Variants in WDR7 observed in about 807,000 individuals in gnomAD.
The protein encoded by WDR7 is WD repeat domain 7.
A neutral mutation model predicts 169.4 loss-of-function variants in WDR7; 46 were observed. The ratio of observed to expected loss-of-function variants is 0.27; its 90% CI spans 0.21 to 0.35. The LOEUF is 0.35. WDR7 is among the 10% of genes least tolerant of loss of function. WDR7 has a pLI of 1.00. For missense variants in WDR7, 1,534 were observed against 1,859.3 expected, an observed-to-expected ratio of 0.83 and a Z score of 3.22; for synonymous variants, 612 against 666.8, an observed-to-expected ratio of 0.92 and a Z score of 1.27.
chr18:56,870,600 TAAAA>T (rs556820993), intron 20 of WDR7, among the ~76,000 whole-genome samples: 2 of 152,182 alleles, frequency 1.3e-5, no homozygotes, highest in African/African-American at 4.8e-5. Context: ...CAATGATAAT[TAAAA>T]AGATAGATCT....
chr18:56,777,279 GA>G (rs1343840462), intron 17 of WDR7, among the ~76,000 whole-genome samples: 1 of 152,182 alleles, frequency 6.6e-6, no homozygotes, highest in Non-Finnish European at 1.5e-5. Context: ...ATGCCAGTTA[GA>G]GGGAGTTGTG....
intron 26 of WDR7, among the ~76,000 whole-genome samples, chr18:56,968,609 C>T (rs2047443529): frequency 6.6e-6 from 1 of 152,172 alleles, no homozygotes; most frequent in African/African-American, 2.4e-5. Context: ...ATGGTATCTA[C>T]AGCACTATGG....
At chr18:56,785,191 C>G (rs2044379394) in intron 19 of WDR7, among the ~76,000 whole-genome samples, 1 of 152,114 alleles carries the variant, frequency 6.6e-6, no homozygotes. Context: ...CCGAAGGGAT[C>G]AAAAGGTTAT....
At chr18:56,847,505 T>A (rs538598113) in intron 20 of WDR7, among the ~76,000 whole-genome samples, 1 of 152,300 alleles carries the variant, frequency 6.6e-6, no homozygotes, top group Admixed American at 6.5e-5. Context: ...GAGCAACCAC[T>A]TGCTAGAGAG....
At chr18:56,966,609 AAGT>A (rs2047413475) in intron 26 of WDR7, among the ~76,000 whole-genome samples, 1 of 152,080 alleles carries the variant, frequency 6.6e-6, no homozygotes, top group Non-Finnish European at 1.5e-5. Context: ...AGTACTCTAT[AAGT>A]AGTAGTCAAA....
chr18:56,962,959 A>G (rs910614018), intron 26 of WDR7, among the ~76,000 whole-genome samples: 1 of 152,230 alleles, frequency 6.6e-6, no homozygotes, highest in African/African-American at 2.4e-5. Flanking sequence ...TCAAAAAAGA[A>G]AAAATCACAA....
At chr18:56,850,487 C>G (rs189920011) in intron 20 of WDR7, among the ~76,000 whole-genome samples, 1 of 151,882 alleles carries the variant, frequency 6.6e-6, no homozygotes, top group African/African-American at 2.4e-5. Context: ...ACTGAACTGA[C>G]CTTCATTATT....
chr18:56,818,980 A>G (rs1568213132), intron 20 of WDR7, among the ~76,000 whole-genome samples: 2 of 152,190 alleles, frequency 1.3e-5, no homozygotes, highest in Non-Finnish European at 2.9e-5. Context: ...TAATGTGTAT[A>G]GTTGTATTAC....
chr18:56,790,394 G>T (rs544606289), intron 19 of WDR7, among the ~76,000 whole-genome samples: 45 of 152,240 alleles, frequency 3.0e-4, no homozygotes, highest in African/African-American at 1.1e-3. Flanking sequence ...TGATTGGATG[G>T]TATGTGTATT....
chr18:56,826,435 C>T (rs1395700585), intron 20 of WDR7, among the ~76,000 whole-genome samples: 1 of 152,156 alleles, frequency 6.6e-6, no homozygotes, highest in Non-Finnish European at 1.5e-5. Flanking sequence ...ATTTTTAATA[C>T]ACAAAAAGAT....
chr18:56,653,737 A>G (rs1193809155), intron 1 of WDR7, among the ~76,000 whole-genome samples: 2 of 152,170 alleles, frequency 1.3e-5, no homozygotes, highest in East Asian at 1.9e-4. Context: ...GTGCTGCACA[A>G]TATTTCAGAA....
intron 19 of WDR7, among the ~76,000 whole-genome samples, chr18:56,797,320 G>C (rs2044600986): frequency 6.6e-6 from 1 of 152,068 alleles, no homozygotes; most frequent in Non-Finnish European, 1.5e-5. Context: ...GGCCCAAAGA[G>C]ATTACATTTG....
chr18:56,799,464 C>T (rs182876424), intron 19 of WDR7, among the ~76,000 whole-genome samples: 85 of 152,014 alleles, frequency 5.6e-4, no homozygotes, highest in African/African-American at 2.0e-3. Context: ...ATACTTGTTA[C>T]TGATACTCTA....
intron 19 of WDR7, among the ~76,000 whole-genome samples, chr18:56,801,775 C>A (rs2044676904): frequency 6.6e-6 from 1 of 152,156 alleles, no homozygotes; most frequent in Admixed American, 6.5e-5. Flanking sequence ...TTGCAGGAAT[C>A]AATAATTCAT....
Position 56,885,941 on chromosome 18 carries a change from A to G in WDR7, c.3526+5776A>G, listed in dbSNP as rs933284262. Reference sequence around the variant, plus strand: ...ATTTTTAAAAATGAACAAAGCCTCCAAGAAGTTTGGCATTTTGTTAAATGA... The same window carrying G: ...ATTTTTAAAAATGAACAAAGCCTCCGAGAAGTTTGGCATTTTGTTAAATGA... On this transcript the variant is annotated intron_variant, in intron 21 of 27. Transcript: ENST00000254442. 9.2e-5 allele frequency among the ~76,000 whole-genome samples: 14 copies of G among 152,330 alleles called. No individual in the cohort carries two copies. In the East Asian group the frequency reaches 2.7e-3, roughly 29 times the overall value.
intron 14 of WDR7, among the ~76,000 whole-genome samples, chr18:56,734,706 A>T (rs1232717177): frequency 6.6e-6 from 1 of 151,420 alleles, no homozygotes; most frequent in Non-Finnish European, 1.5e-5. Flanking sequence ...TTATGCTCAC[A>T]TTTTTTTTGT....
chr18:56,718,272 C>G (rs1194488432), intron 13 of WDR7, 113 bp downstream of exon 13: 1 of 1,130,470 alleles, frequency 8.8e-7, no homozygotes, highest in Non-Finnish European at 1.2e-6. Context: ...AAAATAGTTG[C>G]TACTTTTATT....
chr18:56,776,726 AG>A, intron 16 of WDR7, 55 bp from the exon 17 acceptor site: 1 of 1,503,294 alleles, frequency 6.7e-7, no homozygotes, highest in Non-Finnish European at 9.2e-7. Context: ...GCTTTTTTTC[AG>A]AAACTGCTGT....
chr18:56,779,283 CAA>C (rs1198188216), intron 17 of WDR7, 146 bp from the exon 18 acceptor site: 3 of 511,608 alleles, frequency 5.9e-6, no homozygotes, highest in Non-Finnish European at 1.0e-5. Flanking sequence ...ATTCTTTGCA[CAA>C]AGTGTCTACT....
Sources: gnomAD v4.1 joint callset for allele counts (sites outside exome capture counted in the v4.1 genomes callset) on GRCh38, gnomAD v4.1.1 for gene constraint, MANE v1.5 for transcripts, NCBI Gene and HGNC (gene_info 2026-07-23, HGNC 2026-07-21) for gene names.